Variants in HECW2 observed in about 807,000 individuals in gnomAD.
The protein encoded by HECW2 is E3 ubiquitin-protein ligase HECW2.
In HECW2, 61 loss-of-function variants were observed where a neutral mutation model predicts 175.2. The ratio of observed to expected loss-of-function variants is 0.35; its 90% CI spans 0.28 to 0.43. The LOEUF is 0.43. Among genes scored for constraint, HECW2 ranks in the 20% least tolerant of loss-of-function variants. HECW2 has a pLI of 1.00. For synonymous variants in HECW2, 671 were observed against 731.0 expected, an observed-to-expected ratio of 0.92 and a Z score of 1.32; for missense variants, 1,524 against 2,000.5, an observed-to-expected ratio of 0.76 and a Z score of 4.54.
At chr2:196,493,621 A>T (rs1575603728) in intron 1 of HECW2, among the ~76,000 whole-genome samples, 3 of 152,230 alleles carry the variant, frequency 2.0e-5, no homozygotes, top group South Asian at 4.1e-4. Context: ...TCAGTTTTTT[A>T]AAAAATTAGG....
At chr2:196,437,448 C>T (rs1695910402) in intron 1 of HECW2, among the ~76,000 whole-genome samples, 1 of 151,586 alleles carries the variant, frequency 6.6e-6, no homozygotes, top group African/African-American at 2.4e-5. Context: ...TCTGTCTCCA[C>T]TAAAAATACA....
chr2:196,336,131 T>C (rs928240849), intron 3 of HECW2, among the ~76,000 whole-genome samples: 1 of 152,194 alleles, frequency 6.6e-6, no homozygotes, highest in Non-Finnish European at 1.5e-5. Flanking sequence ...CATGCTGGGT[T>C]TGAAGAATGG....
intron 1 of HECW2, among the ~76,000 whole-genome samples, chr2:196,452,170 C>A (rs556958036): frequency 6.6e-6 from 1 of 152,118 alleles, no homozygotes; most frequent in African/African-American, 2.4e-5. Context: ...ATGTGGCTAG[C>A]CTAAAATGAG....
At chr2:196,421,229 T>C (rs550790764) in intron 2 of HECW2, among the ~76,000 whole-genome samples, 1 of 152,110 alleles carries the variant, frequency 6.6e-6, no homozygotes, top group South Asian at 2.1e-4. Flanking sequence ...TCCAAACATA[T>C]CAAAAGTAAA....
chr2:196,355,524 A>G (rs1693333525), intron 2 of HECW2, among the ~76,000 whole-genome samples: 1 of 152,264 alleles, frequency 6.6e-6, no homozygotes, highest in Admixed American at 6.5e-5. Flanking sequence ...CTTTCATAAG[A>G]AAGAGCAGAG....
intron 1 of HECW2, among the ~76,000 whole-genome samples, chr2:196,535,401 A>G (rs575203204): frequency 6.6e-6 from 1 of 152,346 alleles, no homozygotes; most frequent in South Asian, 2.1e-4. Context: ...AACATGTAAT[A>G]CCATACCACA....
intron 1 of HECW2, among the ~76,000 whole-genome samples, chr2:196,534,661 G>C (rs1332583656): frequency 6.6e-6 from 1 of 152,128 alleles, no homozygotes; most frequent in Admixed American, 6.5e-5. Context: ...CTGGGGCTTT[G>C]AGATATAAAT....
At chr2:196,544,806 A>T (rs1025744835) in intron 1 of HECW2, among the ~76,000 whole-genome samples, 4 of 152,114 alleles carry the variant, frequency 2.6e-5, no homozygotes, top group Middle Eastern at 3.2e-3. Context: ...CTGTGTGGGA[A>T]TTCAACAGTA....
At chr2:196,502,411 T>A (rs1360774138) in intron 1 of HECW2, among the ~76,000 whole-genome samples, 1 of 152,188 alleles carries the variant, frequency 6.6e-6, no homozygotes, top group South Asian at 2.1e-4. Context: ...CAATAACATA[T>A]TATCAAATTC....
At chr2:196,292,214 C>G (rs1021693792) in intron 14 of HECW2, 12 of 178,406 alleles carry the variant, frequency 6.7e-5, no homozygotes, top group Non-Finnish European at 1.4e-4. Context: ...ACTTTTTATT[C>G]AAATACCTAC....
intron 2 of HECW2, among the ~76,000 whole-genome samples, chr2:196,397,618 G>A (rs1489921587): frequency 6.6e-6 from 1 of 152,204 alleles, no homozygotes; most frequent in African/African-American, 2.4e-5. Context: ...AATAGTGACA[G>A]AATCCCCTTT....
chr2:196,426,375 G>A (rs1354390556), intron 2 of HECW2, among the ~76,000 whole-genome samples: 1 of 152,040 alleles, frequency 6.6e-6, no homozygotes, highest in Admixed American at 6.6e-5. Context: ...CAGTGTGTAA[G>A]GGTTCCCTTT....
chr2:196,374,737 C>T (rs1223833722), intron 2 of HECW2, among the ~76,000 whole-genome samples: 2 of 151,846 alleles, frequency 1.3e-5, no homozygotes, highest in African/African-American at 4.8e-5. Flanking sequence ...ATCAACAACT[C>T]ATATCTCAAG....
chr2:196,237,025 C>T (rs187685514), intron 21 of HECW2, among the ~76,000 whole-genome samples: 327 of 152,252 alleles, frequency 2.1e-3, no homozygotes, highest in Non-Finnish European at 3.4e-3. Flanking sequence ...TTAGTGAAAC[C>T]TTTCACCAGC....
At chr2:196,503,444 T>C (rs1687642712) in intron 1 of HECW2, among the ~76,000 whole-genome samples, 1 of 152,092 alleles carries the variant, frequency 6.6e-6, no homozygotes. Context: ...CAGAGGTAGA[T>C]TGTTCAGTGT....
intron 1 of HECW2, among the ~76,000 whole-genome samples, chr2:196,554,244 T>G: frequency 6.6e-6 from 1 of 151,654 alleles, no homozygotes; most frequent in East Asian, 1.9e-4. Context: ...GAGAATGGCG[T>G]GAACCCGGAA....
At chr2:196,500,419 G>A (rs1387863650) in intron 1 of HECW2, among the ~76,000 whole-genome samples, 1 of 152,004 alleles carries the variant, frequency 6.6e-6, no homozygotes, top group Non-Finnish European at 1.5e-5. Context: ...ACCATCAAAG[G>A]ATGTGAGCAG....
At chr2:196,528,328 T>G (rs1489291547) in intron 1 of HECW2, among the ~76,000 whole-genome samples, 2 of 152,252 alleles carry the variant, frequency 1.3e-5, no homozygotes, top group African/African-American at 4.8e-5. Flanking sequence ...AAAAATTGAC[T>G]AGTGGAAAGC....
rs543167813 is a variant in HECW2, at chr2:196,523,027, A to G, written c.-36+70481T>C. ...CAATTCTGTGAAGAACGTCATTGGT[A>G]GCTTGATGGGGATGGCATTGAATCT... On this transcript the variant is annotated intron_variant, in intron 1 of 28. Coordinates refer to ENST00000644978, the MANE Select transcript of HECW2 (RefSeq NM_001348768.2). Among the ~76,000 whole-genome samples, 7 of 151,772 alleles carry G rather than the reference A, an allele frequency of 4.6e-5. No homozygotes were observed. In the South Asian group the frequency reaches 1.5e-3, roughly 32 times the overall value.
Sources: allele counts gnomAD v4.1 joint callset (sites outside exome capture counted in the v4.1 genomes callset), GRCh38; gene constraint gnomAD v4.1.1; transcripts MANE v1.5; gene names NCBI Gene and HGNC (gene_info 2026-07-23, HGNC 2026-07-21).